Variants in C3orf22 observed in about 807,000 individuals in gnomAD.
C3orf22 encodes uncharacterized protein C3orf22.
Under a neutral mutation model 10.8 loss-of-function variants are expected in C3orf22, and 7 were observed. That is an observed-to-expected ratio of 0.65 (90% CI 0.37 to 1.22). C3orf22 has a LOEUF of 1.22. Ranked by LOEUF, C3orf22 falls within the 50% of genes most tolerant of loss-of-function variation. The pLI is 0.02. For missense variants in C3orf22, 173 were observed against 177.0 expected (o/e 0.98, Z 0.13); for synonymous variants, 79 against 78.9 (o/e 1.00, Z 0.00).
intron 4 of C3orf22, among the ~76,000 whole-genome samples, chr3:126,533,410 T>C (rs1345946285): frequency 3.3e-5 from 5 of 152,202 alleles, no homozygotes; most frequent in African/African-American, 4.8e-5. Flanking sequence ...ATTCTTAAGC[T>C]GTTTAGTGTG....
At chr3:126,543,723 TGCATGAGTGTGTGA>T (rs533954118) in intron 4 of C3orf22, among the ~76,000 whole-genome samples, 48 of 142,728 alleles carry the variant, frequency 3.4e-4, no homozygotes, top group African/African-American at 1.2e-3. Context: ...TGTGCATGTG[TGCATGAGTGTGTGA>T]GAGGAATTGT....
intron 2 of C3orf22, 27 bp from the exon 3 acceptor site, chr3:126,552,149 T>C (rs928104371): frequency 3.7e-6 from 6 of 1,604,998 alleles, no homozygotes; most frequent in Non-Finnish European, 5.1e-6. Context: ...AATGTCAACA[T>C]GGCCACCATC....
At chr3:126,557,195 G>A (rs1039909274) in intron 1 of C3orf22, among the ~76,000 whole-genome samples, 3 of 152,152 alleles carry the variant, frequency 2.0e-5, no homozygotes, top group Non-Finnish European at 4.4e-5. Context: ...TCTGGGTGTG[G>A]CTGGCCTCAG....
chr3:126,537,859 ACAGACAAGGACACAGG>A (rs1936830772), intron 4 of C3orf22, among the ~76,000 whole-genome samples: 1 of 152,226 alleles, frequency 6.6e-6, no homozygotes, highest in Non-Finnish European at 1.5e-5. Context: ...GTCCCTGTTT[ACAGACAAGGACACAGG>A]CATGGGGAGG....
At chr3:126,528,705 A>G (rs1936585276) in intron 5 of C3orf22, among the ~76,000 whole-genome samples, 1 of 152,190 alleles carries the variant, frequency 6.6e-6, no homozygotes, top group Non-Finnish European at 1.5e-5. Context: ...GGATCTGGGC[A>G]GACTGGGGTT....
intron 4 of C3orf22, among the ~76,000 whole-genome samples, chr3:126,529,854 G>A (rs748484725): frequency 2.0e-5 from 3 of 152,164 alleles, no homozygotes; most frequent in African/African-American, 4.8e-5. Context: ...GGCTTTCCCT[G>A]TGCTGCTCTG....
intron 4 of C3orf22, chr3:126,536,208 A>G: frequency 6.8e-7 from 1 of 1,477,580 alleles, no homozygotes. Context: ...GGGTTGGCCA[A>G]ACCCCCAGGT....
At chr3:126,551,849 AT>A (rs1937194643) in intron 3 of C3orf22, 147 bp downstream of exon 3, 4 of 860,350 alleles carry the variant, frequency 4.6e-6, no homozygotes, top group Non-Finnish European at 6.9e-6. Context: ...AGGCTTTAGC[AT>A]CCCCCTTCTC....
intron 3 of C3orf22, 64 bp downstream of exon 3, chr3:126,551,933 G>A (rs1013173439): frequency 1.4e-5 from 22 of 1,526,114 alleles, no homozygotes; most frequent in Non-Finnish European, 1.9e-5. Context: ...CAAAACTGGG[G>A]GACAGAAAGC....
intron 4 of C3orf22, among the ~76,000 whole-genome samples, chr3:126,538,063 G>C (rs1384647410): frequency 1.3e-5 from 2 of 152,232 alleles, no homozygotes; most frequent in African/African-American, 4.8e-5. Flanking sequence ...AAAGAGAGCT[G>C]TGTGACCTCA....
chr3:126,543,145 C>G (rs1051179772), intron 4 of C3orf22: 6 of 152,252 alleles, frequency 3.9e-5, no homozygotes, highest in Admixed American at 3.9e-4. Flanking sequence ...TACCCAGGCG[C>G]CACCTTCGGT....
chr3:126,557,994 CCCTTCCTGTCAGGTGCACT>C (rs763661450), intron 1 of C3orf22, among the ~76,000 whole-genome samples: 144,788 of 152,182 alleles, frequency 0.95, 68,981 homozygotes, highest in East Asian at 1. Flanking sequence ...CCAGCTCAGC[CCCTTCCTGTCAGGTGCACT>C]TGGGTGAGTC....
intron 1 of C3orf22, among the ~76,000 whole-genome samples, chr3:126,555,216 G>A (rs958972844): frequency 2.6e-5 from 4 of 152,192 alleles, no homozygotes; most frequent in African/African-American, 9.7e-5. Context: ...TCTCAGGAAG[G>A]CCAGCCCTTT....
intron 4 of C3orf22, among the ~76,000 whole-genome samples, chr3:126,533,716 C>G (rs755515742): frequency 2.6e-5 from 4 of 152,152 alleles, no homozygotes; most frequent in Non-Finnish European, 2.9e-5. Flanking sequence ...GTTTGGTCAT[C>G]TAGATAATAC....
chr3:126,553,520 G>T (rs899010231), intron 1 of C3orf22, 90 bp from the exon 2 acceptor site: 5 of 818,058 alleles, frequency 6.1e-6, no homozygotes, highest in Middle Eastern at 2.5e-4. Flanking sequence ...GGGGGTGCCT[G>T]CGGGCCGCCA....
intron 4 of C3orf22, among the ~76,000 whole-genome samples, chr3:126,530,712 TCTCCTGTCAG>T (rs1936639621): frequency 6.6e-6 from 1 of 152,228 alleles, no homozygotes. Flanking sequence ...ATTGCTGCCC[TCTCCTGTCAG>T]CTCCTTTTCT....
intron 4 of C3orf22, among the ~76,000 whole-genome samples, chr3:126,535,602 C>CAGA: frequency 1.7e-5 from 1 of 59,282 alleles, no homozygotes; most frequent in East Asian, 5.5e-4. Flanking sequence ...CGGGAGACAG[C>CAGA]CGGACAGCAT....
In C3orf22 at chr3:126,551,476, G is replaced by A. The variant is rs116172093; in HGVS notation, c.215+521C>T. Among the ~76,000 whole-genome samples the A allele has an allele frequency of 8.3e-3, 1,271 of 152,318 alleles. 8 individuals carry two copies. The highest frequency in any genetic ancestry group is 0.014 in the Non-Finnish European group (921 of 68,024). On this transcript the variant is annotated intron_variant, in intron 3 of 3. Coordinates refer to ENST00000318225, the MANE Select transcript of C3orf22 (RefSeq NM_152533.3). ...GGTGTGCCTGAGGGTCTGCTTTTCC[G>A]TGGCTGGATCTTTCCAAAGGTGTGC...
chr3:126,551,226 G>T (rs1937175231), intron 3 of C3orf22, among the ~76,000 whole-genome samples: 1 of 151,412 alleles, frequency 6.6e-6, no homozygotes, highest in African/African-American at 2.4e-5. Context: ...CAAACAATGG[G>T]CATGGAAAAG....
Sources: allele counts gnomAD v4.1 joint callset (sites outside exome capture counted in the v4.1 genomes callset), GRCh38; gene constraint gnomAD v4.1.1; transcripts MANE v1.5; gene names NCBI Gene and HGNC (gene_info 2026-07-23, HGNC 2026-07-21).